RBMS2: variants seen among roughly 807,000 people sequenced by gnomAD.
The protein encoded by RBMS2 is RNA-binding motif, single-stranded-interacting protein 2.
RBMS2 carries 38 observed loss-of-function variants against 58.4 expected under a neutral mutation model. The ratio of observed to expected loss-of-function variants is 0.65; its 90% CI spans 0.50 to 0.85. RBMS2 has a LOEUF of 0.85. RBMS2 is among the 40% of genes least tolerant of loss of function. The pLI, the probability that RBMS2 is intolerant of heterozygous loss-of-function variation, is 0.00. For missense variants in RBMS2, 367 were observed against 503.7 expected, an observed-to-expected ratio of 0.73 and a Z score of 2.60; for synonymous variants, 151 against 180.7, an observed-to-expected ratio of 0.84 and a Z score of 1.32.
At chr12:56,534,180 T>A (rs1020815539) in intron 1 of RBMS2, among the ~76,000 whole-genome samples, 2 of 124,158 alleles carry the variant, frequency 1.6e-5, no homozygotes, top group African/African-American at 5.3e-5. Flanking sequence ...TGCATATAGA[T>A]GTGGTTTATC....
chr12:56,582,795 A>T (rs1177065450), intron 9 of RBMS2, among the ~76,000 whole-genome samples: 1 of 152,164 alleles, frequency 6.6e-6, no homozygotes, highest in Non-Finnish European at 1.5e-5. Flanking sequence ...TAGCCTCTGG[A>T]GTACCTGGGA....
chr12:56,541,255 G>T (rs1000062984), intron 1 of RBMS2, among the ~76,000 whole-genome samples: 13 of 152,106 alleles, frequency 8.5e-5, no homozygotes, highest in African/African-American at 3.1e-4. Flanking sequence ...GTTGCTGAAT[G>T]AACAGTGAAA....
At position 56,581,307 on chromosome 12, in the gene RBMS2, C is replaced by A. The variant is rs1306152794; in HGVS notation, c.622+44C>A. The stretch of plus-strand genomic sequence containing the variant: ...AGGCTGAGAGGGCCACAGGTTGTTA[C>A]TTCCAGTGAAGATTCTGGAGCAGCT... On this transcript the variant is annotated intron_variant, in intron 6 of 13. Transcript: ENST00000262031. The A allele has an allele frequency of 1.3e-5, 21 of 1,584,360 alleles. No homozygotes were observed. In the Admixed American group the frequency reaches 1.7e-4, roughly 13 times the overall value.
At chr12:56,533,970 A>G (rs1196503763) in intron 1 of RBMS2, among the ~76,000 whole-genome samples, 1 of 151,996 alleles carries the variant, frequency 6.6e-6, no homozygotes, top group Non-Finnish European at 1.5e-5. Flanking sequence ...TTCCCATCTT[A>G]TAGATGAGGA....
At chr12:56,539,026 T>TC (rs1400460629) in intron 1 of RBMS2, among the ~76,000 whole-genome samples, 1 of 151,612 alleles carries the variant, frequency 6.6e-6, no homozygotes, top group Non-Finnish European at 1.5e-5. Context: ...TTTTTTTTTT[T>TC]TTTTTTTGAG....
intron 1 of RBMS2, among the ~76,000 whole-genome samples, chr12:56,537,081 T>G (rs1373585224): frequency 6.6e-6 from 1 of 151,948 alleles, no homozygotes; most frequent in Non-Finnish European, 1.5e-5. Flanking sequence ...CCATCACACC[T>G]GGCTAATTTT....
At chr12:56,571,592 G>T (rs1310513189) in intron 4 of RBMS2, 106 bp from the exon 5 acceptor site, 1 of 1,237,694 alleles carries the variant, frequency 8.1e-7, no homozygotes. Flanking sequence ...TGTTTATGTG[G>T]GACCCTTCCT....
chr12:56,551,115 G>A (rs1008051405), intron 1 of RBMS2, among the ~76,000 whole-genome samples: 12 of 128,756 alleles, frequency 9.3e-5, no homozygotes, highest in Non-Finnish European at 3.3e-5. Flanking sequence ...GCAAGACCCT[G>A]TTTCAAAAAA....
At chr12:56,587,300 A>T (rs1884806965) in intron 10 of RBMS2, among the ~76,000 whole-genome samples, 1 of 150,946 alleles carries the variant, frequency 6.6e-6, no homozygotes, top group Non-Finnish European at 1.5e-5. Context: ...ATGCCAGGAG[A>T]TGTGGGTGTG....
intron 1 of RBMS2, among the ~76,000 whole-genome samples, chr12:56,544,212 C>T (rs1395680439): frequency 6.6e-6 from 1 of 151,910 alleles, no homozygotes; most frequent in Non-Finnish European, 1.5e-5. Context: ...GGAGGTGGAG[C>T]TTGCAATGAG....
At chr12:56,560,061 A>C (rs1211542830) in intron 1 of RBMS2, among the ~76,000 whole-genome samples, 1 of 151,136 alleles carries the variant, frequency 6.6e-6, no homozygotes, top group East Asian at 2.0e-4. Context: ...CGCCTGACTA[A>C]TGTTTGTATT....
At chr12:56,588,517 T>A in intron 12 of RBMS2, 143 bp downstream of exon 12, 4 of 754,620 alleles carry the variant, frequency 5.3e-6, no homozygotes. Context: ...GTAGGAAGGA[T>A]GTGCTCGCTT....
At chr12:56,534,302 T>G (rs1459838243) in intron 1 of RBMS2, among the ~76,000 whole-genome samples, 1 of 152,238 alleles carries the variant, frequency 6.6e-6, no homozygotes, top group Non-Finnish European at 1.5e-5. Context: ...TTTTTGCTGT[T>G]TTTGAAATTG....
At chr12:56,580,508 C>T (rs1325594106) in intron 5 of RBMS2, 2 of 226,446 alleles carry the variant, frequency 8.8e-6, no homozygotes, top group Non-Finnish European at 1.8e-5. Flanking sequence ...GCTGGGATTA[C>T]AGGCGTGAGC....
In RBMS2 at chr12:56,592,182, G is replaced by A. The variant is rs1184007098; in HGVS notation, c.*3049G>A. The A allele has an allele frequency of 6.6e-6, 1 of 152,192 alleles. No individual in the cohort carries two copies. Among genetic ancestry groups the A allele is most frequent in the Non-Finnish European group, 1.5e-5 (1 of 68,046 alleles). 9.4% of individuals were successfully genotyped at this position (152,192 alleles called of 1,614,324 possible). A position where few individuals can be genotyped will look rare whatever the true frequency, so the allele number is the denominator to read the frequency against. ...TTAAACACTATGCCTAGTGTTTTCT[G>A]AATGCTGTCTTCATGGAGCCCAGCT... is the stretch of plus-strand genomic sequence containing the variant. On this transcript the variant is annotated 3_prime_UTR_variant, in exon 14 of 14. Transcript: ENST00000262031.
In RBMS2 at chr12:56,581,406, C is replaced by T. The variant is rs141345785; in HGVS notation, c.630C>T (p.Ser210=). ...IKTPPGVPAP[S]DPLLCKFADG... ...TGCCTTCTCTCTCGGCAGCCCCATCCGATCCCTTGCTTTGCAAATTTGCTG... is the reference window on the plus strand; with the variant it reads ...TGCCTTCTCTCTCGGCAGCCCCATCTGATCCCTTGCTTTGCAAATTTGCTG... The change falls in exon 7 of 14, where the codon TCC becomes TCT. Residue 210 remains serine, a synonymous_variant. Transcript: ENST00000262031. The T allele has an allele frequency of 1.2e-4, 193 of 1,614,154 alleles. 1 individual carries two copies. The highest frequency in any genetic ancestry group is 2.2e-4 in the South Asian group (20 of 91,072).
intron 5 of RBMS2, among the ~76,000 whole-genome samples, 155 bp downstream of exon 5, chr12:56,572,010 C>G (rs896687003): frequency 6.6e-6 from 1 of 152,064 alleles, no homozygotes; most frequent in East Asian, 1.9e-4. Flanking sequence ...CATTTTAGGC[C>G]AGGTGCGGTG....
chr12:56,589,349 C>T lies in RBMS2; in HGVS notation c.*216C>T, dbSNP rs1184264285. ...TGCTGATGGAGCCTGGGGGAACCAT[C>T]ACTTTTTTTGTGTGCTACATTCAAG... On this transcript the variant is annotated 3_prime_UTR_variant, in exon 14 of 14. Coordinates refer to ENST00000262031, the MANE Select transcript of RBMS2 (RefSeq NM_002898.4). 18 of 1,224,332 alleles carry T rather than the reference C, an allele frequency of 1.5e-5. No individual in the cohort carries two copies. Among genetic ancestry groups the T allele is most frequent in the Non-Finnish European group, 1.8e-5 (17 of 959,606 alleles). The allele number at this position is 1,224,332 out of a possible 1,614,324, so 75.8% of individuals were successfully genotyped here.
chr12:56,529,680 C>T (rs770752809), intron 1 of RBMS2, among the ~76,000 whole-genome samples: 1 of 152,080 alleles, frequency 6.6e-6, no homozygotes, highest in Non-Finnish European at 1.5e-5. Context: ...AAACATGACG[C>T]TCATGAAAGA....
Sources: gnomAD v4.1 joint callset for allele counts (sites outside exome capture counted in the v4.1 genomes callset) on GRCh38, gnomAD v4.1.1 for gene constraint, MANE v1.5 for transcripts, NCBI Gene and HGNC (gene_info 2026-07-23, HGNC 2026-07-21) for gene names.